Variants in ADAMTS18 observed in about 807,000 individuals in gnomAD.
The protein encoded by ADAMTS18 is A disintegrin and metalloproteinase with thrombospondin motifs 18.
ADAMTS18 carries 157 observed loss-of-function variants against 165.9 expected under a neutral mutation model. The observed-to-expected ratio is 0.95, with a 90% CI of 0.83 to 1.08. The LOEUF (loss-of-function observed/expected upper bound fraction) is 1.08. ADAMTS18 is among the 50% of genes least tolerant of loss of function. The probability of loss-of-function intolerance (pLI) is 0.00; values close to 1 mark genes in which losing one functional copy is unlikely to be tolerated. For missense variants in ADAMTS18, 2,040 were observed against 1,534.0 expected (o/e 1.33, Z -5.51); for synonymous variants, 782 against 578.2 (o/e 1.35, Z -5.06).
At chr16:77,427,329 G>T (rs2057686183) in intron 3 of ADAMTS18, among the ~76,000 whole-genome samples, 1 of 152,172 alleles carries the variant, frequency 6.6e-6, no homozygotes, top group Non-Finnish European at 1.5e-5. Context: ...GAAGAAACAT[G>T]CAAGTTTGTT....
intron 3 of ADAMTS18, among the ~76,000 whole-genome samples, chr16:77,403,950 C>T (rs1252416628): frequency 6.6e-6 from 1 of 152,086 alleles, no homozygotes; most frequent in Non-Finnish European, 1.5e-5. Context: ...GACCTTGGAG[C>T]AGAGATCTGA....
At chr16:77,397,075 C>A (rs562253621) in intron 3 of ADAMTS18, among the ~76,000 whole-genome samples, 2 of 152,256 alleles carry the variant, frequency 1.3e-5, no homozygotes, top group South Asian at 4.1e-4. Flanking sequence ...TCCCAAAGTG[C>A]TGGAATTTTA....
At chr16:77,376,873 G>A (rs908966537) in intron 3 of ADAMTS18, among the ~76,000 whole-genome samples, 14 of 142,680 alleles carry the variant, frequency 9.8e-5, no homozygotes, top group Admixed American at 3.6e-4. Flanking sequence ...GGAGTGCAGT[G>A]GGGTGATCTC....
chr16:77,364,522 G>A, intron 4 of ADAMTS18, 141 bp from the exon 5 acceptor site: 1 of 896,676 alleles, frequency 1.1e-6, no homozygotes, highest in Non-Finnish European at 1.7e-6. Context: ...TGCTATCAGT[G>A]CCTGCCCAGG....
At chr16:77,329,014 T>A (rs2056142717) in intron 12 of ADAMTS18, among the ~76,000 whole-genome samples, 1 of 152,208 alleles carries the variant, frequency 6.6e-6, no homozygotes, top group South Asian at 2.1e-4. Flanking sequence ...AACTGAGTTC[T>A]TAGGCCATGG....
chr16:77,400,759 A>G (rs12928340), intron 3 of ADAMTS18, among the ~76,000 whole-genome samples: 47,811 of 150,910 alleles, frequency 0.32, 8,911 homozygotes, highest in Non-Finnish European at 0.44. Context: ...GTGAGCCACC[A>G]CGCCTGGCCT....
chr16:77,363,376 G>A (rs2562117), intron 6 of ADAMTS18, among the ~76,000 whole-genome samples: 81,562 of 151,796 alleles, frequency 0.54, 22,403 homozygotes, highest in Non-Finnish European at 0.59. Flanking sequence ...GTATATTTTT[G>A]AAATATCCTT....
chr16:77,284,938 A>C (rs919340796), intron 22 of ADAMTS18, among the ~76,000 whole-genome samples: 1 of 151,312 alleles, frequency 6.6e-6, no homozygotes, highest in Non-Finnish European at 1.5e-5. Context: ...TAACTGAAAA[A>C]GCCGGGTCTC....
chr16:77,380,427 G>A (rs941288879), intron 3 of ADAMTS18, among the ~76,000 whole-genome samples: 3 of 152,088 alleles, frequency 2.0e-5, no homozygotes, highest in South Asian at 2.1e-4. Flanking sequence ...AGAATACAGC[G>A]TCATGGCTGT....
chr16:77,400,824 A>C (rs1316740834), intron 3 of ADAMTS18, among the ~76,000 whole-genome samples: 13 of 151,870 alleles, frequency 8.6e-5, no homozygotes, highest in Admixed American at 8.5e-4. Context: ...CCCTCAGAAG[A>C]ATCCTCTAGA....
intron 3 of ADAMTS18, among the ~76,000 whole-genome samples, chr16:77,376,659 T>C (rs185019984): frequency 2.2e-4 from 33 of 152,358 alleles, no homozygotes; most frequent in African/African-American, 7.9e-4. Context: ...GTGACTTAGC[T>C]GCTAAAGCTT....
chr16:77,430,341 GA>G (rs567150788), intron 3 of ADAMTS18, among the ~76,000 whole-genome samples: 3 of 152,170 alleles, frequency 2.0e-5, no homozygotes, highest in Admixed American at 1.3e-4. Context: ...ATAATAGGGG[GA>G]AAAAATTAAA....
At position 77,319,706 on chromosome 16, in the gene ADAMTS18, G is replaced by C. The variant is rs573033610; in HGVS notation, c.2532+143C>G. The C allele has an allele frequency of 2.4e-5, 33 of 1,372,456 alleles. No homozygotes were observed. In the East Asian group the frequency reaches 7.0e-4, roughly 29 times the overall value. 85.0% of individuals were successfully genotyped at this position (1,372,456 alleles called of 1,614,324 possible). The stretch of plus-strand genomic sequence containing the variant: ...GATCCGCCCACCTCAGCCTCCCAAA[G>C]TGCTGGGATTACAGGCATGAGCCAC... On this transcript the variant is annotated intron_variant, in intron 16 of 22. Coordinates refer to ENST00000282849, the MANE Select transcript of ADAMTS18 (RefSeq NM_199355.4).
intron 3 of ADAMTS18, among the ~76,000 whole-genome samples, chr16:77,392,976 A>G (rs947367092): frequency 6.6e-6 from 1 of 152,122 alleles, no homozygotes; most frequent in African/African-American, 2.4e-5. Flanking sequence ...AAGCAGGAAA[A>G]TGTAGGCAGT....
chr16:77,330,625 AC>A (rs2056172666), intron 12 of ADAMTS18, among the ~76,000 whole-genome samples: 1 of 152,198 alleles, frequency 6.6e-6, no homozygotes, highest in African/African-American at 2.4e-5. Flanking sequence ...TCAATGAAAA[AC>A]AGGGCTTCCG....
intron 16 of ADAMTS18, among the ~76,000 whole-genome samples, chr16:77,306,997 A>G (rs913618108): frequency 6.6e-6 from 1 of 152,212 alleles, no homozygotes; most frequent in Admixed American, 6.5e-5. Context: ...TGGAAAGACA[A>G]CACTGGGCCT....
intron 12 of ADAMTS18, among the ~76,000 whole-genome samples, chr16:77,335,049 T>C (rs2056285921): frequency 1.4e-5 from 2 of 146,284 alleles, no homozygotes; most frequent in Non-Finnish European, 3.0e-5. Flanking sequence ...AGTAATTATA[T>C]ATAATGTAGT....
intron 16 of ADAMTS18, 23 bp downstream of exon 16, chr16:77,319,826 C>G (rs761261155): frequency 1.9e-6 from 3 of 1,613,918 alleles, no homozygotes; most frequent in Non-Finnish European, 2.5e-6. Flanking sequence ...GCACTGAGAA[C>G]TGAATACACA....
intron 21 of ADAMTS18, chr16:77,291,045 T>G (rs1016552084): frequency 1.7e-6 from 1 of 587,728 alleles, no homozygotes; most frequent in Non-Finnish European, 3.0e-6. Context: ...CAAAAACAAA[T>G]CAACTCTCCC....
Sources: gnomAD v4.1 joint callset for allele counts (sites outside exome capture counted in the v4.1 genomes callset) on GRCh38, gnomAD v4.1.1 for gene constraint, MANE v1.5 for transcripts, NCBI Gene and HGNC (gene_info 2026-07-23, HGNC 2026-07-21) for gene names.